Variants in PRKG1 observed in about 807,000 individuals in gnomAD.
PRKG1 encodes the protein cGMP-dependent protein kinase 1.
Under a neutral mutation model 88.1 loss-of-function variants are expected in PRKG1, and 35 were observed. That is an observed-to-expected ratio of 0.40 (90% CI 0.30 to 0.53). The LOEUF (loss-of-function observed/expected upper bound fraction) is 0.53, where lower values mean the gene tolerates loss of function less well. Ranked by LOEUF, PRKG1 falls within the 20% of genes least tolerant of loss-of-function variation. The pLI, the probability that PRKG1 is intolerant of heterozygous loss-of-function variation, is 0.59. For synonymous variants in PRKG1, 303 were observed against 292.5 expected, an observed-to-expected ratio of 1.04 and a Z score of -0.37; for missense variants, 540 against 839.8, an observed-to-expected ratio of 0.64 and a Z score of 4.41.
chr10:51,145,348 A>AT (rs149164748), intron 1 of PRKG1, among the ~76,000 whole-genome samples: 31,461 of 151,860 alleles, frequency 0.21, 3,771 homozygotes, highest in African/African-American at 0.34. Context: ...AATATCTGAC[A>AT]TTTTTTTTCT....
intron 5 of PRKG1, among the ~76,000 whole-genome samples, chr10:52,009,490 G>T (rs1844827877): frequency 6.6e-6 from 1 of 151,866 alleles, no homozygotes; most frequent in African/African-American, 2.4e-5. Flanking sequence ...CTCTACAATG[G>T]TAATTACAAA....
intron 1 of PRKG1, among the ~76,000 whole-genome samples, chr10:51,132,790 TAAGTA>T (rs1845601972): frequency 6.6e-6 from 1 of 150,446 alleles, no homozygotes; most frequent in Admixed American, 6.6e-5. Flanking sequence ...GTAAAATAGC[TAAGTA>T]AATTTCAAAT....
chr10:51,679,696 G>T (rs954796367), intron 3 of PRKG1, among the ~76,000 whole-genome samples: 3 of 142,172 alleles, frequency 2.1e-5, no homozygotes, highest in Non-Finnish European at 4.6e-5. Flanking sequence ...GGGTCTGGGG[G>T]CAGGGAACTT....
intron 5 of PRKG1, among the ~76,000 whole-genome samples, chr10:51,961,911 G>A (rs955513862): frequency 6.6e-6 from 1 of 152,084 alleles, no homozygotes; most frequent in Non-Finnish European, 1.5e-5. Flanking sequence ...TCCACGTCAG[G>A]AAAGACAAAA....
intron 1 of PRKG1, among the ~76,000 whole-genome samples, chr10:51,043,364 C>A (rs1843449831): frequency 6.6e-6 from 1 of 152,104 alleles, no homozygotes; most frequent in Non-Finnish European, 1.5e-5. Flanking sequence ...GCCGTGCCCC[C>A]CAAAGCACAC....
intron 3 of PRKG1, among the ~76,000 whole-genome samples, chr10:51,619,839 G>T (rs1392890351): frequency 6.6e-6 from 1 of 152,086 alleles, no homozygotes; most frequent in East Asian, 1.9e-4. Context: ...TGTTTCCAAG[G>T]AAAGGGAAGA....
chr10:51,699,562 G>C (rs1841407060), intron 3 of PRKG1: 1 of 1,599,862 alleles, frequency 6.3e-7, no homozygotes, highest in Non-Finnish European at 8.5e-7. Flanking sequence ...TTCCGGTTGT[G>C]CAGACAGCCG....
At chr10:51,004,581 A>C (rs1316600897) in intron 1 of PRKG1, among the ~76,000 whole-genome samples, 3 of 152,168 alleles carry the variant, frequency 2.0e-5, no homozygotes, top group Admixed American at 2.0e-4. Context: ...AAATGTGCAA[A>C]CTTAGTGGAA....
chr10:52,023,845 T>G (rs1339300167), intron 5 of PRKG1, among the ~76,000 whole-genome samples: 1 of 152,218 alleles, frequency 6.6e-6, no homozygotes, highest in Non-Finnish European at 1.5e-5. Flanking sequence ...GCAAAAATTT[T>G]CTCGCATTCT....
intron 7 of PRKG1, among the ~76,000 whole-genome samples, chr10:52,091,792 C>T (rs1033331379): frequency 6.6e-6 from 1 of 152,128 alleles, no homozygotes; most frequent in Non-Finnish European, 1.5e-5. Flanking sequence ...TCAAAGCATG[C>T]ATTAAAGTGG....
intron 2 of PRKG1, among the ~76,000 whole-genome samples, chr10:51,370,495 AGT>A (rs1301923110): frequency 5.4e-5 from 7 of 128,650 alleles, no homozygotes; most frequent in Non-Finnish European, 6.7e-5. Context: ...AGAGAGAGAG[AGT>A]GTGTGTGTGT....
At chr10:51,893,997 T>C (rs1218118251) in intron 4 of PRKG1, among the ~76,000 whole-genome samples, 2 of 152,198 alleles carry the variant, frequency 1.3e-5, no homozygotes, top group African/African-American at 2.4e-5. Flanking sequence ...GTGGGATGCC[T>C]ACTTAGATGT....
chr10:51,888,219 A>T (rs1188906535), intron 4 of PRKG1, among the ~76,000 whole-genome samples: 1 of 152,224 alleles, frequency 6.6e-6, no homozygotes, highest in Non-Finnish European at 1.5e-5. Flanking sequence ...AAAGCTAAAA[A>T]AATAAAAATT....
intron 3 of PRKG1, among the ~76,000 whole-genome samples, chr10:51,732,949 T>TG (rs1485545807): frequency 6.6e-6 from 1 of 152,146 alleles, no homozygotes; most frequent in East Asian, 1.9e-4. Flanking sequence ...GGTGCCAGTA[T>TG]GGTCCAGTTC....
chr10:51,594,179 A>G (rs1838382486), intron 3 of PRKG1, among the ~76,000 whole-genome samples: 1 of 152,054 alleles, frequency 6.6e-6, no homozygotes, highest in Non-Finnish European at 1.5e-5. Flanking sequence ...GTATGCCAAC[A>G]TGCCCATCTA....
At chr10:51,962,047 G>A (rs1029102371) in intron 5 of PRKG1, among the ~76,000 whole-genome samples, 1 of 152,146 alleles carries the variant, frequency 6.6e-6, no homozygotes, top group Non-Finnish European at 1.5e-5. Flanking sequence ...GGGCTATGGG[G>A]ACAAAAATCC....
chr10:51,778,370 G>T (rs954542618), intron 3 of PRKG1, among the ~76,000 whole-genome samples: 7 of 152,094 alleles, frequency 4.6e-5, no homozygotes, highest in African/African-American at 1.4e-4. Context: ...TGAAGATGCC[G>T]CCTGCTGTTG....
chr10:51,935,525 A>G (rs955226612), intron 5 of PRKG1, among the ~76,000 whole-genome samples: 8 of 152,126 alleles, frequency 5.3e-5, no homozygotes, highest in Admixed American at 2.6e-4. Context: ...GAGCACAGAT[A>G]ACCAGACATC....
At chr10:51,247,867 C>CA (rs1839333801) in intron 2 of PRKG1, among the ~76,000 whole-genome samples, 1 of 151,850 alleles carries the variant, frequency 6.6e-6, no homozygotes. Context: ...TTGGCCAAGT[C>CA]ATTTACTGAT....
Sources: gnomAD v4.1 joint callset for allele counts (sites outside exome capture counted in the v4.1 genomes callset) on GRCh38, gnomAD v4.1.1 for gene constraint, MANE v1.5 for transcripts, NCBI Gene and HGNC (gene_info 2026-07-23, HGNC 2026-07-21) for gene names.